Variants in LAMA2 observed in about 807,000 individuals in gnomAD.
LAMA2 encodes laminin subunit alpha 2.
Under a neutral mutation model 364.8 loss-of-function variants are expected in LAMA2, and 269 were observed. That is an observed-to-expected ratio of 0.74 (90% CI 0.67 to 0.82). LAMA2 has a LOEUF of 0.82. LAMA2 is among the 40% of genes least tolerant of loss of function. The probability of loss-of-function intolerance (pLI) is 0.00; values close to 1 mark genes in which losing one functional copy is unlikely to be tolerated. For synonymous variants in LAMA2, 1,379 were observed against 1,370.6 expected (o/e 1.01, Z -0.14); for missense variants, 3,807 against 3,873.2 (o/e 0.98, Z 0.45).
intron 22 of LAMA2, among the ~76,000 whole-genome samples, chr6:129,309,902 A>ATTTTTTTTTTTTTTTTTTT (rs993652081): frequency 4.4e-5 from 6 of 135,784 alleles, no homozygotes; most frequent in African/African-American, 1.7e-4. Context: ...CCTGATAATC[A>ATTTTTTTTTTTTTTTTTTT]TTTTTTTTTT....
chr6:129,449,406 A>G (rs1036135915), intron 45 of LAMA2, among the ~76,000 whole-genome samples: 1 of 152,180 alleles, frequency 6.6e-6, no homozygotes, highest in Non-Finnish European at 1.5e-5. Context: ...GTGCCCTCAC[A>G]TGGCAGAAGA....
chr6:129,205,175 G>A (rs895692098), intron 12 of LAMA2, among the ~76,000 whole-genome samples: 7 of 151,692 alleles, frequency 4.6e-5, no homozygotes, highest in Admixed American at 2.6e-4. Context: ...GGATCACGAC[G>A]TCAGGAGATG....
Position 129,312,900 on chromosome 6 carries a change from TG to T in LAMA2, c.3215del (p.Cys1072SerfsTer3), listed in dbSNP as rs886041297. 5 of 1,614,078 alleles carry T rather than the reference TG, an allele frequency of 3.1e-6. No homozygotes were observed. Among genetic ancestry groups the T allele is most frequent in the Non-Finnish European group, 4.2e-6 (5 of 1,180,016 alleles). On this transcript the variant is annotated frameshift_variant, in exon 23 of 65. Transcript: ENST00000421865. LOFTEE classifies it high-confidence loss of function. Reference protein sequence around the residue: ...CSTVGSLDFQCNVNTGQCNCH... With the variant: ...CSTVGSLDFQXNVNTGQCNCH... ...CACAGTGGGATCCTTGGATTTCCAA[TG>T]CAATGTAAATACAGGCCAATGCAAC... is the stretch of plus-strand genomic sequence containing the variant.
chr6:129,356,166 T>G (rs1777142822), intron 32 of LAMA2, among the ~76,000 whole-genome samples: 1 of 152,028 alleles, frequency 6.6e-6, no homozygotes, highest in African/African-American at 2.4e-5. Flanking sequence ...CACAGGCCTT[T>G]TATATGTGGA....
At chr6:128,944,621 C>T (rs895615106) in intron 1 of LAMA2, among the ~76,000 whole-genome samples, 5 of 149,576 alleles carry the variant, frequency 3.3e-5, no homozygotes, top group South Asian at 4.2e-4. Flanking sequence ...GGTGAAACCT[C>T]GTCTCTGCTA....
intron 37 of LAMA2, among the ~76,000 whole-genome samples, chr6:129,395,657 T>C (rs1779573732): frequency 6.6e-6 from 1 of 152,142 alleles, no homozygotes; most frequent in African/African-American, 2.4e-5. Context: ...GAGGTACACA[T>C]AAGCAAACCA....
At chr6:129,351,318 A>G (rs1471984462) in intron 31 of LAMA2, among the ~76,000 whole-genome samples, 1 of 152,202 alleles carries the variant, frequency 6.6e-6, no homozygotes, top group Non-Finnish European at 1.5e-5. Flanking sequence ...TGATTACAGA[A>G]AATTTATTTG....
At chr6:129,393,575 G>A (rs1249501959) in intron 37 of LAMA2, among the ~76,000 whole-genome samples, 6 of 152,274 alleles carry the variant, frequency 3.9e-5, no homozygotes, top group Middle Eastern at 3.4e-3. Flanking sequence ...TGACAACTGT[G>A]CCACTATCTA....
Position 129,353,147 on chromosome 6 carries a change from T to C in LAMA2, c.4524-17T>C. 1 of 1,605,346 alleles carries C rather than the reference T, an allele frequency of 6.2e-7. No homozygotes were observed. The highest frequency in any genetic ancestry group is 8.5e-7 in the Non-Finnish European group (1 of 1,173,072). ...CTTGCTATTAACCTCTTTTGCTTTG[T>C]CACTGTTTCAATTCAGGTGTGCCCC... On this transcript the variant is annotated splice_polypyrimidine_tract_variant and intron_variant, in intron 31 of 64. Transcript: ENST00000421865.
rs1416750581 is a variant in LAMA2, at chr6:128,907,804, G to C, written c.112+24447G>C. 2.6e-5 allele frequency among the ~76,000 whole-genome samples: 4 copies of C among 152,230 alleles called. No individual in the cohort carries two copies. In the East Asian group the frequency reaches 7.7e-4, roughly 29 times the overall value. On this transcript the variant is annotated intron_variant, in intron 1 of 64. Transcript: ENST00000421865. ...GATAGCTCTTATTATTTTGAAATAT[G>C]TCCCATCAATACCTAATTTATTGAG...
At chr6:129,231,162 A>T (rs1178791229) in intron 12 of LAMA2, among the ~76,000 whole-genome samples, 1 of 152,114 alleles carries the variant, frequency 6.6e-6, no homozygotes, top group Admixed American at 6.6e-5. Flanking sequence ...GCTAGTTTAT[A>T]TAACATTAAA....
chr6:129,406,631 A>C (rs1186980814), intron 40 of LAMA2, among the ~76,000 whole-genome samples: 6 of 152,186 alleles, frequency 3.9e-5, no homozygotes, highest in Admixed American at 3.9e-4. Flanking sequence ...GAGACTCTAA[A>C]ATAACAGAGA....
At chr6:129,234,807 G>A (rs1784878906) in intron 12 of LAMA2, among the ~76,000 whole-genome samples, 3 of 151,974 alleles carry the variant, frequency 2.0e-5, no homozygotes, top group Admixed American at 1.3e-4. Flanking sequence ...AATATAACAG[G>A]GGGCATAAAA....
intron 1 of LAMA2, chr6:128,905,703 A>AC (rs1777410138): frequency 6.6e-6 from 1 of 151,728 alleles, no homozygotes; most frequent in African/African-American, 2.4e-5. Flanking sequence ...TTACATATGT[A>AC]TACATGTGCC....
chr6:128,904,638 T>C (rs754790524), intron 1 of LAMA2, among the ~76,000 whole-genome samples: 24 of 152,066 alleles, frequency 1.6e-4, no homozygotes, highest in Admixed American at 3.3e-4. Flanking sequence ...CTTGTATTTT[T>C]AGTAGGGATG....
chr6:129,294,618 A>G (rs560702030), intron 20 of LAMA2, among the ~76,000 whole-genome samples: 11 of 152,290 alleles, frequency 7.2e-5, no homozygotes, highest in Admixed American at 3.3e-4. Flanking sequence ...AGATTTCTAC[A>G]TATGAATTTT....
At chr6:129,500,098 G>A (rs1785511775) in intron 58 of LAMA2, among the ~76,000 whole-genome samples, 1 of 152,018 alleles carries the variant, frequency 6.6e-6, no homozygotes, top group African/African-American at 2.4e-5. Flanking sequence ...AAGGAAAAGT[G>A]ATGCAAGGAA....
intron 4 of LAMA2, among the ~76,000 whole-genome samples, chr6:129,125,865 A>G (rs1777085659): frequency 6.6e-6 from 1 of 152,192 alleles, no homozygotes. Context: ...ATTATTCCAC[A>G]TTGCATTCAT....
intron 1 of LAMA2, among the ~76,000 whole-genome samples, chr6:129,013,451 T>G (rs1784893810): frequency 6.6e-6 from 1 of 150,994 alleles, no homozygotes; most frequent in Non-Finnish European, 1.5e-5. Context: ...AAAAAAAAAT[T>G]TTTTTTGAAT....
Sources: gnomAD v4.1 joint callset for allele counts (sites outside exome capture counted in the v4.1 genomes callset) on GRCh38, gnomAD v4.1.1 for gene constraint, MANE v1.5 for transcripts, NCBI Gene and HGNC (gene_info 2026-07-23, HGNC 2026-07-21) for gene names.